Variants in PFDN2 observed in about 807,000 individuals in gnomAD.
PFDN2 encodes the protein prefoldin subunit 2, also known as prefoldin 2.
A neutral mutation model predicts 18.3 loss-of-function variants in PFDN2; 7 were observed. The observed-to-expected ratio is 0.38, with a 90% CI of 0.22 to 0.72. PFDN2 has a LOEUF of 0.72. PFDN2 is among the 30% of genes least tolerant of loss of function. The pLI is 0.47. For synonymous variants in PFDN2, 76 were observed against 75.0 expected, an observed-to-expected ratio of 1.01 and a Z score of -0.07; for missense variants, 181 against 199.1, an observed-to-expected ratio of 0.91 and a Z score of 0.55.
At chr1:161,113,229 T>C (rs920792044) in intron 1 of PFDN2, among the ~76,000 whole-genome samples, 1 of 152,210 alleles carries the variant, frequency 6.6e-6, no homozygotes, top group African/African-American at 2.4e-5. Flanking sequence ...ACTACTCTCC[T>C]CTTATCATAT....
At chr1:161,112,436 T>C (rs912600657) in intron 1 of PFDN2, among the ~76,000 whole-genome samples, 4 of 152,194 alleles carry the variant, frequency 2.6e-5, no homozygotes, top group Non-Finnish European at 5.9e-5. Flanking sequence ...TTTGTTTTGT[T>C]TTTAAAGATG....
intron 1 of PFDN2, among the ~76,000 whole-genome samples, chr1:161,111,099 C>CA (rs1654799206): frequency 6.6e-6 from 1 of 152,034 alleles, no homozygotes; most frequent in Admixed American, 6.6e-5. Context: ...CTCAGCCTCC[C>CA]AAAGTGCTGG....
intron 1 of PFDN2, among the ~76,000 whole-genome samples, chr1:161,109,275 C>T (rs1654749413): frequency 6.6e-6 from 1 of 152,170 alleles, no homozygotes; most frequent in African/African-American, 2.4e-5. Flanking sequence ...AAGTCTAGTT[C>T]TTTCTTCAGG....
intron 3 of PFDN2, 23 bp downstream of exon 3, chr1:161,102,025 C>A (rs1194585000): frequency 1.2e-6 from 2 of 1,613,774 alleles, no homozygotes; most frequent in Non-Finnish European, 1.7e-6. Flanking sequence ...TGTACCCGAT[C>A]CTATTCAATG....
intron 1 of PFDN2, among the ~76,000 whole-genome samples, chr1:161,103,683 C>CA (rs553472563): frequency 0.051 from 3,814 of 74,650 alleles, 466 homozygotes; most frequent in Non-Finnish European, 0.074. Context: ...GACTCCGTCT[C>CA]AAAAAAAAAA....
At chr1:161,107,614 C>T (rs1222072648) in intron 1 of PFDN2, among the ~76,000 whole-genome samples, 3 of 147,812 alleles carry the variant, frequency 2.0e-5, no homozygotes, top group South Asian at 2.2e-4. Context: ...CAGGAGTTCA[C>T]GACCAGCCTG....
Position 161,102,467 on chromosome 1 carries a change from A to G in PFDN2, c.76-92T>C, listed in dbSNP as rs1654587687. 5 of 886,234 alleles carry G rather than the reference A, an allele frequency of 5.6e-6. No individual in the cohort carries two copies. In the African/African-American group the frequency reaches 8.2e-5, roughly 15 times the overall value. 54.9% of individuals were successfully genotyped at this position (886,234 alleles called of 1,614,324 possible). A position where few individuals can be genotyped will look rare whatever the true frequency, so the allele number is the denominator to read the frequency against. ...AGGGTGGCAGGCTTTACAAAGGTGC[A>G]GTAGTGGGCACCTACCTTGGAAAAG... On this transcript the variant is annotated intron_variant, in intron 1 of 3. Transcript: ENST00000368010.
intron 1 of PFDN2, among the ~76,000 whole-genome samples, chr1:161,107,185 G>A (rs1450183777): frequency 6.6e-6 from 1 of 152,216 alleles, no homozygotes; most frequent in African/African-American, 2.4e-5. Flanking sequence ...CAGCACTTTG[G>A]GAGGCTGAGG....
chr1:161,114,021 C>T (rs1303624181), intron 1 of PFDN2, among the ~76,000 whole-genome samples: 1 of 152,180 alleles, frequency 6.6e-6, no homozygotes, highest in Non-Finnish European at 1.5e-5. Context: ...TTTAGCTCCC[C>T]TAAAACAGTG....
chr1:161,116,973 G>A lies in PFDN2; in HGVS notation c.75+979C>T, dbSNP rs186588572. Among the ~76,000 whole-genome samples, 225 of 152,322 alleles carry A rather than the reference G, an allele frequency of 1.5e-3. 2 individuals carry two copies. Among genetic ancestry groups the A allele is most frequent in the Non-Finnish European group, 3.2e-4 (22 of 68,030 alleles). ...CTGTAGGCCGGGAGCGGTGGCTCACGCCTGTAATCCCAGTACTTTGGGAGG... is the reference window on the plus strand; with the variant it reads ...CTGTAGGCCGGGAGCGGTGGCTCACACCTGTAATCCCAGTACTTTGGGAGG... On this transcript the variant is annotated intron_variant, in intron 1 of 3. Transcript: ENST00000368010.
intron 1 of PFDN2, among the ~76,000 whole-genome samples, chr1:161,111,633 G>A (rs1322246740): frequency 2.0e-5 from 3 of 152,114 alleles, no homozygotes; most frequent in South Asian, 2.1e-4. Context: ...TGAGATAATA[G>A]GTCAAGTGCC....
At position 161,102,081 on chromosome 1, in the gene PFDN2, C is replaced by T. The variant is rs763986700; in HGVS notation, c.255G>A (p.Glu85=). The T allele has an allele frequency of 5.6e-6, 9 of 1,614,108 alleles. No individual in the cohort carries two copies. The highest frequency in any genetic ancestry group is 4.0e-5 in the African/African-American group (3 of 74,938). The part of the protein sequence containing the change: ...GGVLVERTVK[E]VLPALENNKE... ...TGTTGTTCTCCAAAGCGGGCAGCAC[C>T]TCTTTGACAGTTCGCTCCACCAGCA... Residue 85 remains glutamate, a synonymous_variant, in exon 3 of 4, where the codon GAG becomes GAA. Transcript: ENST00000368010.
At chr1:161,102,437 C>T (rs1654587337) in intron 1 of PFDN2, 62 bp from the exon 2 acceptor site, 17 of 1,288,992 alleles carry the variant, frequency 1.3e-5, no homozygotes, top group Non-Finnish European at 1.8e-5. Flanking sequence ...GTCCAGATAG[C>T]ACATAGGGTG....
chr1:161,110,888 G>A (rs1654792338), intron 1 of PFDN2, among the ~76,000 whole-genome samples: 1 of 136,204 alleles, frequency 7.3e-6, no homozygotes, highest in South Asian at 2.3e-4. Flanking sequence ...CGCCCAGGCT[G>A]GAGTGCAGTG....
Position 161,102,356 on chromosome 1 carries a change from C to T in PFDN2, c.95G>A (p.Arg32His), listed in dbSNP as rs776559619. ...SAEQVIAGFN[R>H]LRQEQRGLAS... ...CAGGCCTCGCTGTTCCTGCCGAAGG[C>T]GGTTGAAGCCAGCAATCACCTAACA... Residue 32 changes from arginine to histidine, a missense_variant, in exon 2 of 4, where the codon CGC becomes CAC. Arg to His is a conservative substitution (Grantham distance 29). Coordinates refer to ENST00000368010, the MANE Select transcript of PFDN2 (RefSeq NM_012394.4). The T allele has an allele frequency of 5.0e-6, 8 of 1,613,824 alleles. No homozygotes were observed. The highest frequency in any genetic ancestry group is 6.8e-6 in the Non-Finnish European group (8 of 1,179,876).
At chr1:161,103,875 G>C (rs1390645199) in intron 1 of PFDN2, among the ~76,000 whole-genome samples, 2 of 152,044 alleles carry the variant, frequency 1.3e-5, no homozygotes, top group East Asian at 3.8e-4. Flanking sequence ...CAAAAGACCA[G>C]GTTTCAGGTT....
rs529823682 is a variant in PFDN2, at chr1:161,108,385, G to A, written c.76-6010C>T. Among the ~76,000 whole-genome samples, 69 of 151,282 alleles carry A rather than the reference G, an allele frequency of 4.6e-4. No individual in the cohort carries two copies. In the South Asian group the frequency reaches 0.014, roughly 30 times the overall value. ...AGGCAGGAGAATCGCTTGAACCTGG[G>A]CGACAGAGGTTGCGGTGAGCCAAGA... On this transcript the variant is annotated intron_variant, in intron 1 of 3. Coordinates refer to ENST00000368010, the MANE Select transcript of PFDN2 (RefSeq NM_012394.4).
At chr1:161,116,924 A>G (rs984721249) in intron 1 of PFDN2, among the ~76,000 whole-genome samples, 1 of 152,210 alleles carries the variant, frequency 6.6e-6, no homozygotes, top group African/African-American at 2.4e-5. Context: ...TGTTCAACAA[A>G]AACTGAACCT....
chr1:161,110,813 C>T (rs1388572616), intron 1 of PFDN2, among the ~76,000 whole-genome samples: 1 of 148,674 alleles, frequency 6.7e-6, no homozygotes, highest in Non-Finnish European at 1.5e-5. Context: ...CCCTTCTCTT[C>T]ATGAAATTTT....
Sources: gnomAD v4.1 joint callset for allele counts (sites outside exome capture counted in the v4.1 genomes callset) on GRCh38, gnomAD v4.1.1 for gene constraint, MANE v1.5 for transcripts, NCBI Gene and HGNC (gene_info 2026-07-23, HGNC 2026-07-21) for gene names.